ZNF860: variants seen among roughly 807,000 people sequenced by gnomAD.
ZNF860 encodes the protein zinc finger protein 860.
For missense variants in ZNF860, 641 were observed against 759.2 expected, an observed-to-expected ratio of 0.84 and a Z score of 1.83; for synonymous variants, 206 against 248.9, an observed-to-expected ratio of 0.83 and a Z score of 1.62.
chr3:31,984,189 G>A (rs1040533471), intron 1 of ZNF860, among the ~76,000 whole-genome samples: 3 of 152,048 alleles, frequency 2.0e-5, no homozygotes, highest in Non-Finnish European at 4.4e-5. Flanking sequence ...ACAGGCACCT[G>A]CCACCATGCC....
chr3:31,983,740 C>T (rs1698895289), intron 1 of ZNF860, among the ~76,000 whole-genome samples: 1 of 152,130 alleles, frequency 6.6e-6, no homozygotes, highest in African/African-American at 2.4e-5. Flanking sequence ...CCTTGACCTA[C>T]CGTAGTATAG....
the ZNF860 span, among the ~76,000 whole-genome samples, chr3:31,998,989 C>T: frequency 1.3e-5 from 2 of 152,212 alleles, no homozygotes; most frequent in African/African-American, 4.8e-5. Flanking sequence ...AACACAAGGT[C>T]GAAGAAGATG....
intron 1 of ZNF860, among the ~76,000 whole-genome samples, chr3:31,985,594 A>T (rs1332516465): frequency 6.6e-6 from 1 of 152,128 alleles, no homozygotes; most frequent in African/African-American, 2.4e-5. Flanking sequence ...CCTTAGGAGG[A>T]TGTTCATGGA....
downstream of ZNF860, among the ~76,000 whole-genome samples, chr3:31,995,145 G>A (rs149686815): frequency 5.9e-3 from 905 of 152,292 alleles, 10 homozygotes; most frequent in African/African-American, 0.02. Context: ...AGCAGTGCAC[G>A]TATTGTCTTG....
In ZNF860 at chr3:31,989,358, A is replaced by T; in HGVS notation, c.279A>T (p.Glu93Asp). 4.3e-6 allele frequency: 7 copies of T among 1,614,204 alleles called. No individual in the cohort carries two copies. The highest frequency in any genetic ancestry group is 5.9e-6 in the Non-Finnish European group (7 of 1,180,032). Reference protein sequence around the residue: ...EVDTGTLERHESHHIGDFCFQ... With the variant: ...EVDTGTLERHDSHHIGDFCFQ... ...ACACAGGGACATTAGAAAGACATGAAAGTCATCACATTGGAGATTTTTGCT... is the reference window on the plus strand; with the variant it reads ...ACACAGGGACATTAGAAAGACATGATAGTCATCACATTGGAGATTTTTGCT... The change falls in exon 2 of 2, where the codon GAA (glutamate) becomes GAT (aspartate). Residue 93 changes from glutamate to aspartate, a missense_variant. Coordinates refer to ENST00000360311, the MANE Select transcript of ZNF860 (RefSeq NM_001137674.3).
At chr3:31,984,870 G>A (rs1698911846) in intron 1 of ZNF860, among the ~76,000 whole-genome samples, 1 of 152,216 alleles carries the variant, frequency 6.6e-6, no homozygotes, top group African/African-American at 2.4e-5. Context: ...TTACAGGTTA[G>A]AAGCAAGATG....
downstream of ZNF860, among the ~76,000 whole-genome samples, chr3:31,992,793 A>G (rs1348348514): frequency 1.3e-5 from 2 of 152,238 alleles, no homozygotes; most frequent in African/African-American, 2.4e-5. Context: ...TGGGATTTCA[A>G]GACCAGCTTG....
the ZNF860 span, among the ~76,000 whole-genome samples, chr3:32,000,118 G>A: frequency 6.6e-6 from 1 of 152,056 alleles, no homozygotes; most frequent in Non-Finnish European, 1.5e-5. Flanking sequence ...AGTCATACCA[G>A]CTTATTCTAT....
chr3:32,000,096 T>A, the ZNF860 span, among the ~76,000 whole-genome samples: 1 of 152,204 alleles, frequency 6.6e-6, no homozygotes, highest in African/African-American at 2.4e-5. Flanking sequence ...CAGCCTTCAT[T>A]TCCTCTGTCT....
At chr3:31,996,374 C>A (rs1315243229), downstream of ZNF860, among the ~76,000 whole-genome samples, 1 of 152,172 alleles carries the variant, frequency 6.6e-6, no homozygotes, top group Non-Finnish European at 1.5e-5. Flanking sequence ...TGCAAGGGAA[C>A]AATGATATGA....
At chr3:31,983,663 C>A (rs1354603939) in intron 1 of ZNF860, among the ~76,000 whole-genome samples, 1 of 152,178 alleles carries the variant, frequency 6.6e-6, no homozygotes, top group Admixed American at 6.5e-5. Context: ...TCCCTGCTCT[C>A]TTCACCCGGT....
chr3:31,983,988 C>G (rs899928553), intron 1 of ZNF860, among the ~76,000 whole-genome samples: 1 of 152,084 alleles, frequency 6.6e-6, no homozygotes, highest in Non-Finnish European at 1.5e-5. Flanking sequence ...TATTATTACT[C>G]AAATCAATCT....
intron 1 of ZNF860, among the ~76,000 whole-genome samples, chr3:31,984,103 C>T (rs62244399): frequency 0.091 from 13,878 of 151,952 alleles, 1,115 homozygotes; most frequent in East Asian, 0.47. Context: ...AGTGGCACGA[C>T]CTCAGCTCAC....
chr3:31,997,708 T>C, the ZNF860 span, among the ~76,000 whole-genome samples: 1 of 152,212 alleles, frequency 6.6e-6, no homozygotes, highest in South Asian at 2.1e-4. Flanking sequence ...AGATGGGAGA[T>C]GGAACAGCTG....
chr3:31,995,683 G>A (rs143143113), downstream of ZNF860, among the ~76,000 whole-genome samples: 24 of 152,282 alleles, frequency 1.6e-4, no homozygotes, highest in Admixed American at 5.2e-4. Flanking sequence ...ATAAAGACAG[G>A]CATAAGAAAT....
At chr3:31,986,944 C>G (rs1333422920) in intron 1 of ZNF860, among the ~76,000 whole-genome samples, 8 of 152,086 alleles carry the variant, frequency 5.3e-5, no homozygotes, top group African/African-American at 1.7e-4. Flanking sequence ...AAATTTGAGG[C>G]TGCAGTGAGC....
chr3:31,983,669 C>T (rs555488479), intron 1 of ZNF860, among the ~76,000 whole-genome samples: 23 of 152,272 alleles, frequency 1.5e-4, no homozygotes, highest in African/African-American at 5.1e-4. Flanking sequence ...CTCTCTTCAC[C>T]CGGTTTGTGT....
chr3:31,987,806 A>G (rs544662790), intron 1 of ZNF860, among the ~76,000 whole-genome samples: 7 of 152,240 alleles, frequency 4.6e-5, no homozygotes, highest in Non-Finnish European at 1.0e-4. Flanking sequence ...CAAAAAATTG[A>G]AAGACCTATA....
downstream of ZNF860, among the ~76,000 whole-genome samples, chr3:31,995,247 T>C (rs1699078199): frequency 6.6e-6 from 1 of 152,176 alleles, no homozygotes; most frequent in Admixed American, 6.5e-5. Context: ...CTAGTAAGCC[T>C]GAGAGTACTG....
Sources: allele counts gnomAD v4.1 joint callset (sites outside exome capture counted in the v4.1 genomes callset), GRCh38; gene constraint gnomAD v4.1.1; transcripts MANE v1.5; gene names NCBI Gene and HGNC (gene_info 2026-07-23, HGNC 2026-07-21).